SEC24D: variants seen among roughly 807,000 people sequenced by gnomAD.
SEC24D encodes SEC24 homolog D, COPII component.
A neutral mutation model predicts 116.9 loss-of-function variants in SEC24D; 69 were observed. The ratio of observed to expected loss-of-function variants is 0.59; its 90% CI spans 0.49 to 0.72. The LOEUF (loss-of-function observed/expected upper bound fraction) is 0.72, where lower values mean the gene tolerates loss of function less well. Ranked by LOEUF, SEC24D falls within the 30% of genes least tolerant of loss-of-function variation. The pLI, the probability that SEC24D is intolerant of heterozygous loss-of-function variation, is 0.00. For synonymous variants in SEC24D, 405 were observed against 442.8 expected, an observed-to-expected ratio of 0.91 and a Z score of 1.07; for missense variants, 1,131 against 1,264.1, an observed-to-expected ratio of 0.89 and a Z score of 1.60.
At chr4:118,780,149 T>C (rs11732563) in intron 8 of SEC24D, among the ~76,000 whole-genome samples, 39,878 of 152,070 alleles carry the variant, frequency 0.26, 6,402 homozygotes, top group East Asian at 0.45. Context: ...TGCTAGCTTT[T>C]GAATGTTTGC....
At chr4:118,752,571 T>G in intron 12 of SEC24D, 126 bp downstream of exon 12, 1 of 643,512 alleles carries the variant, frequency 1.6e-6, no homozygotes, top group Non-Finnish European at 2.6e-6. Context: ...AATGATAGAG[T>G]TTTATAATCT....
At chr4:118,807,925 T>A (rs1729744860) in intron 6 of SEC24D, among the ~76,000 whole-genome samples, 1 of 152,224 alleles carries the variant, frequency 6.6e-6, no homozygotes, top group Non-Finnish European at 1.5e-5. Flanking sequence ...TATTCTGTAT[T>A]TTGACCACAA....
chr4:118,835,706 G>T (rs1174020512), intron 1 of SEC24D, among the ~76,000 whole-genome samples: 1 of 152,226 alleles, frequency 6.6e-6, no homozygotes, highest in Non-Finnish European at 1.5e-5. Context: ...CAAGGCAAAA[G>T]GTGGGGGCGG....
chr4:118,812,378 C>T (rs1007971705), intron 6 of SEC24D, among the ~76,000 whole-genome samples: 2 of 152,094 alleles, frequency 1.3e-5, no homozygotes, highest in African/African-American at 4.8e-5. Context: ...CTCATCCTTC[C>T]GTGCCCAAAT....
At chr4:118,797,065 A>G (rs1729208482) in intron 8 of SEC24D, among the ~76,000 whole-genome samples, 1 of 152,180 alleles carries the variant, frequency 6.6e-6, no homozygotes, top group African/African-American at 2.4e-5. Context: ...GCAGCAGTGT[A>G]GGTTGGAATT....
rs115340323 is a variant in SEC24D at position 118,760,090 on chromosome 4, C to T, written c.1297-2245G>A. ...ATCCACAACCAGTTAATTGTGAAGG[C>T]CCACGTGGCTCTTTTAGTTCCAGTA... On this transcript the variant is annotated intron_variant, in intron 10 of 22. Coordinates refer to ENST00000280551, the MANE Select transcript of SEC24D (RefSeq NM_014822.4). 7.4e-3 allele frequency among the ~76,000 whole-genome samples: 1,132 copies of T among 152,304 alleles called. 10 individuals carry two copies. Among genetic ancestry groups the T allele is most frequent in the African/African-American group, 0.026 (1,084 of 41,566 alleles).
chr4:118,795,171 T>TA (rs1729117616), intron 8 of SEC24D, among the ~76,000 whole-genome samples: 4 of 152,066 alleles, frequency 2.6e-5, no homozygotes, highest in African/African-American at 2.4e-5. Context: ...CTACATATTG[T>TA]TATAGATACC....
intron 8 of SEC24D, among the ~76,000 whole-genome samples, chr4:118,793,923 A>G (rs541773863): frequency 1.3e-5 from 2 of 152,320 alleles, no homozygotes; most frequent in Admixed American, 6.5e-5. Context: ...AGAGTCTCCA[A>G]CAACATTAAA....
In SEC24D at chr4:118,797,698, G is replaced by A. The variant is rs373545153; in HGVS notation, c.1026C>T (p.Thr342=). 5.0e-6 allele frequency: 8 copies of A among 1,603,766 alleles called. No homozygotes were observed. The African/African-American group carries it at 1.1e-4, about 21-fold the overall frequency. Residue 342 remains threonine, a synonymous_variant, in exon 8 of 23, where the codon ACC becomes ACT. Coordinates refer to ENST00000280551, the MANE Select transcript of SEC24D (RefSeq NM_014822.4). ...PLAAVIKPFA[T]IPSNESPLYL... ...TCATTCTTACCTCATTTGAAGGAAT[G>A]GTGGCAAAGGGCTTGATGACAGCAG... is the stretch of plus-strand genomic sequence containing the variant.
chr4:118,805,585 A>G (rs1207679276), intron 7 of SEC24D, among the ~76,000 whole-genome samples: 2 of 152,250 alleles, frequency 1.3e-5, no homozygotes, highest in East Asian at 3.9e-4. Flanking sequence ...ATTTAAACCC[A>G]TAAATTAAAA....
chr4:118,739,810 C>G (rs116609605), intron 17 of SEC24D, among the ~76,000 whole-genome samples: 404 of 152,324 alleles, frequency 2.7e-3, no homozygotes, highest in Middle Eastern at 6.8e-3. Context: ...ATGCCAGCCT[C>G]TCTTCATCCT....
At chr4:118,808,994 G>A (rs996407084) in intron 6 of SEC24D, among the ~76,000 whole-genome samples, 4 of 138,994 alleles carry the variant, frequency 2.9e-5, no homozygotes, top group African/African-American at 1.0e-4. Context: ...TTTTTTTTGA[G>A]ACAGAGTCTT....
intron 3 of SEC24D, among the ~76,000 whole-genome samples, chr4:118,818,618 G>A (rs1382705525): frequency 1.3e-5 from 2 of 152,158 alleles, no homozygotes; most frequent in African/African-American, 4.8e-5. Context: ...AAATAGGTGA[G>A]TGATGAAAAT....
At chr4:118,744,914 C>A in intron 14 of SEC24D, 30 bp downstream of exon 14, 1 of 1,188,582 alleles carries the variant, frequency 8.4e-7, no homozygotes, top group Middle Eastern at 1.9e-4. Context: ...TAATAATTGA[C>A]ATATGGATAC....
At chr4:118,741,896 TG>T (rs1175403532) in intron 15 of SEC24D, among the ~76,000 whole-genome samples, 1 of 152,198 alleles carries the variant, frequency 6.6e-6, no homozygotes, top group Non-Finnish European at 1.5e-5. Flanking sequence ...TTTGTATTGT[TG>T]AAGATAAGAA....
At position 118,833,589 on chromosome 4, in the gene SEC24D, T is replaced by C. The variant is rs766757509; in HGVS notation, c.108A>G (p.Ala36=). 9 of 1,609,198 alleles carry C rather than the reference T, an allele frequency of 5.6e-6. No homozygotes were observed. The highest frequency in any genetic ancestry group is 1.1e-5 in the South Asian group (1 of 90,816). ...AATAACACACTGTACCTGTTGGAGA[T>C]GCTGTGTGCGACGGATCCCCATAGT... The part of the protein sequence containing the change: ...YGHYGDPSHT[A]SPTGMMKPAG... Residue 36 remains alanine, a synonymous_variant, in exon 2 of 23, where the codon GCA becomes GCG. Transcript: ENST00000280551.
At chr4:118,773,250 C>T (rs1220907205) in intron 8 of SEC24D, among the ~76,000 whole-genome samples, 1 of 152,030 alleles carries the variant, frequency 6.6e-6, no homozygotes, top group Non-Finnish European at 1.5e-5. Flanking sequence ...TACAAAGTGC[C>T]TGAAGGAAAT....
chr4:118,771,702 A>G (rs1727912293), intron 8 of SEC24D, among the ~76,000 whole-genome samples: 1 of 152,208 alleles, frequency 6.6e-6, no homozygotes, highest in African/African-American at 2.4e-5. Context: ...TTTCCATGTA[A>G]AAGAAGCAGA....
chr4:118,815,409 C>G (rs1730097680), intron 5 of SEC24D, 42 bp downstream of exon 5: 1 of 1,602,256 alleles, frequency 6.2e-7, no homozygotes, highest in African/African-American at 1.3e-5. Context: ...AAGGGTTCCC[C>G]TGGGTAACAC....
Sources: gnomAD v4.1 joint callset for allele counts (sites outside exome capture counted in the v4.1 genomes callset) on GRCh38, gnomAD v4.1.1 for gene constraint, MANE v1.5 for transcripts, NCBI Gene and HGNC (gene_info 2026-07-23, HGNC 2026-07-21) for gene names.